The following PHTF2 variants were observed in gnomAD, a reference collection of about 807,000 sequenced individuals.
The protein encoded by PHTF2 is protein PHTF2.
Under a neutral mutation model 101.2 loss-of-function variants are expected in PHTF2, and 60 were observed. The observed-to-expected ratio is 0.59, with a 90% CI of 0.48 to 0.73. The LOEUF is 0.73. Among genes scored for constraint, PHTF2 ranks in the 30% least tolerant of loss-of-function variants. The pLI, the probability that PHTF2 is intolerant of heterozygous loss-of-function variation, is 0.00. For missense variants in PHTF2, 747 were observed against 908.7 expected, an observed-to-expected ratio of 0.82 and a Z score of 2.29; for synonymous variants, 311 against 307.3, an observed-to-expected ratio of 1.01 and a Z score of -0.13.
intron 11 of PHTF2, among the ~76,000 whole-genome samples, chr7:77,926,815 C>A (rs1446086105): frequency 6.7e-6 from 1 of 148,252 alleles, no homozygotes; most frequent in African/African-American, 2.5e-5. Context: ...AAAAAAAAAA[C>A]AAAGTACAAA....
intron 3 of PHTF2, among the ~76,000 whole-genome samples, chr7:77,888,826 C>G (rs1308017682): frequency 6.6e-6 from 1 of 151,642 alleles, no homozygotes. Context: ...CCAAGTCTCT[C>G]TGAGCAACAG....
intron 7 of PHTF2, among the ~76,000 whole-genome samples, chr7:77,908,538 C>T (rs1244455946): frequency 6.6e-6 from 1 of 152,006 alleles, no homozygotes; most frequent in African/African-American, 2.4e-5. Flanking sequence ...ATCTAATTTA[C>T]GTTGCAGCGT....
At chr7:77,905,950 A>G (rs1008948116) in intron 7 of PHTF2, among the ~76,000 whole-genome samples, 2 of 152,164 alleles carry the variant, frequency 1.3e-5, no homozygotes, top group Admixed American at 1.3e-4. Context: ...AGTATAACTC[A>G]GCATTATATA....
chr7:77,931,803 T>C (rs988388460), intron 12 of PHTF2, among the ~76,000 whole-genome samples: 1 of 152,228 alleles, frequency 6.6e-6, no homozygotes, highest in African/African-American at 2.4e-5. Flanking sequence ...TAATAAATAA[T>C]GTTGTATGAT....
chr7:77,874,016 T>A (rs1798734496), intron 3 of PHTF2, among the ~76,000 whole-genome samples: 1 of 152,218 alleles, frequency 6.6e-6, no homozygotes, highest in Non-Finnish European at 1.5e-5. Context: ...CCTGAGTTCA[T>A]AATTTTCTTT....
At chr7:77,855,507 C>T (rs554605359) in intron 3 of PHTF2, among the ~76,000 whole-genome samples, 2 of 152,310 alleles carry the variant, frequency 1.3e-5, no homozygotes, top group South Asian at 2.1e-4. Context: ...GTTGCATGCA[C>T]GCCAAGTCCA....
intron 16 of PHTF2, among the ~76,000 whole-genome samples, chr7:77,943,153 G>T (rs995331648): frequency 1.3e-5 from 2 of 151,826 alleles, no homozygotes; most frequent in Non-Finnish European, 2.9e-5. Context: ...ATGGAGTCTC[G>T]CTCTGTCGCG....
At chr7:77,943,065 T>C (rs746025959) in intron 16 of PHTF2, among the ~76,000 whole-genome samples, 5 of 152,250 alleles carry the variant, frequency 3.3e-5, no homozygotes, top group Admixed American at 1.3e-4. Context: ...ACGTATGAGT[T>C]ATGAAATTGT....
At chr7:77,932,613 A>AGT (rs1804693461) in intron 12 of PHTF2, among the ~76,000 whole-genome samples, 1 of 111,682 alleles carries the variant, frequency 9.0e-6, no homozygotes, top group East Asian at 2.8e-4. Context: ...AGAGAGAGAG[A>AGT]GAGAGAGAGT....
intron 3 of PHTF2, among the ~76,000 whole-genome samples, chr7:77,887,729 A>G (rs753051152): frequency 5.9e-5 from 9 of 152,168 alleles, no homozygotes; most frequent in African/African-American, 2.2e-4. Flanking sequence ...GTAGATGACA[A>G]AGTGCTTGGT....
intron 1 of PHTF2, among the ~76,000 whole-genome samples, chr7:77,829,896 T>C (rs181728699): frequency 1.1e-4 from 16 of 152,356 alleles, no homozygotes; most frequent in African/African-American, 3.8e-4. Flanking sequence ...ACCATGTTTA[T>C]TATACTTCAT....
chr7:77,953,544 T>C (rs2151002476), intron 18 of PHTF2, among the ~76,000 whole-genome samples: 1 of 152,352 alleles, frequency 6.6e-6, no homozygotes, highest in East Asian at 1.9e-4. Flanking sequence ...GAGTTACATA[T>C]TTAGTCACAG....
chr7:77,904,035 T>G (rs1456729458), intron 7 of PHTF2, among the ~76,000 whole-genome samples: 1 of 152,200 alleles, frequency 6.6e-6, no homozygotes, highest in Non-Finnish European at 1.5e-5. Context: ...CCAAGATTAC[T>G]GCCAGGAAAC....
chr7:77,879,205 AT>A (rs1489039404), intron 3 of PHTF2, among the ~76,000 whole-genome samples: 1 of 151,952 alleles, frequency 6.6e-6, no homozygotes, highest in Admixed American at 6.6e-5. Flanking sequence ...CTTTTTGAAT[AT>A]TTTTTCTTTG....
intron 7 of PHTF2, among the ~76,000 whole-genome samples, chr7:77,906,894 C>T (rs970154158): frequency 7.3e-6 from 1 of 136,134 alleles, no homozygotes; most frequent in Admixed American, 8.3e-5. Flanking sequence ...GGCAGCAGAG[C>T]GAGACTCCGT....
At chr7:77,841,075 C>CCTTTTTTTTTTTTTT (rs1795831341) in intron 2 of PHTF2, among the ~76,000 whole-genome samples, 1 of 77,286 alleles carries the variant, frequency 1.3e-5, no homozygotes, top group East Asian at 2.9e-4. Context: ...AAAAAACAGA[C>CCTTTTTTTTTTTTTT]TTTTTTTTTT....
chr7:77,927,197 CAT>C (rs1196238328), intron 11 of PHTF2, among the ~76,000 whole-genome samples: 125 of 79,654 alleles, frequency 1.6e-3, no homozygotes, highest in African/African-American at 3.6e-3. Flanking sequence ...TATATATATA[CAT>C]ACACACACAC....
chr7:77,810,398 A>G (rs1793342253), intron 1 of PHTF2, among the ~76,000 whole-genome samples: 1 of 152,226 alleles, frequency 6.6e-6, no homozygotes, highest in Admixed American at 6.5e-5. Flanking sequence ...ATTGCAGAAG[A>G]AAATTCAGGA....
chr7:77,907,735 C>T (rs970553639), intron 7 of PHTF2: 6 of 152,182 alleles, frequency 3.9e-5, no homozygotes, highest in Admixed American at 3.9e-4. Context: ...TACATTGAGA[C>T]ATTTTACCCC....
Sources: gnomAD v4.1 joint callset for allele counts (sites outside exome capture counted in the v4.1 genomes callset) on GRCh38, gnomAD v4.1.1 for gene constraint, MANE v1.5 for transcripts, NCBI Gene and HGNC (gene_info 2026-07-23, HGNC 2026-07-21) for gene names.